NEDD4L: variants seen among roughly 807,000 people sequenced by gnomAD.
NEDD4L encodes the protein E3 ubiquitin-protein ligase NEDD4-like.
In NEDD4L, 54 loss-of-function variants were observed where a neutral mutation model predicts 148.9. The observed-to-expected ratio is 0.36, with a 90% CI of 0.29 to 0.45. The LOEUF is 0.45. Ranked by LOEUF, NEDD4L falls within the 20% of genes least tolerant of loss-of-function variation. NEDD4L has a pLI of 1.00. For missense variants in NEDD4L, 856 were observed against 1,233.8 expected, an observed-to-expected ratio of 0.69 and a Z score of 4.59; for synonymous variants, 433 against 440.7, an observed-to-expected ratio of 0.98 and a Z score of 0.22.
At chr18:58,357,831 T>C (rs995700087) in intron 19 of NEDD4L, among the ~76,000 whole-genome samples, 1 of 152,168 alleles carries the variant, frequency 6.6e-6, no homozygotes, top group Admixed American at 6.5e-5. Flanking sequence ...CGTAGCACAC[T>C]GTGTTCATAA....
intron 1 of NEDD4L, among the ~76,000 whole-genome samples, chr18:58,075,410 C>A (rs534557399): frequency 6.6e-6 from 1 of 152,262 alleles, no homozygotes; most frequent in South Asian, 2.1e-4. Context: ...CTCAGCCCCA[C>A]AAAGTACTGG....
At chr18:58,056,018 C>T (rs150837715) in intron 1 of NEDD4L, among the ~76,000 whole-genome samples, 59 of 152,292 alleles carry the variant, frequency 3.9e-4, no homozygotes, top group Non-Finnish European at 6.9e-4. Context: ...CACCTGTGAG[C>T]GGTCAGCTCT....
intron 1 of NEDD4L, among the ~76,000 whole-genome samples, chr18:58,103,127 C>T (rs1340831672): frequency 1.3e-5 from 2 of 151,600 alleles, no homozygotes; most frequent in Non-Finnish European, 2.9e-5. Context: ...TGACCTTTGT[C>T]TATTTGTCTA....
intron 1 of NEDD4L, among the ~76,000 whole-genome samples, chr18:58,129,743 T>G (rs1043367607): frequency 2.6e-4 from 40 of 152,386 alleles, no homozygotes; most frequent in African/African-American, 8.7e-4. Context: ...AGCAGAACTG[T>G]GGCGGTGTTG....
intron 2 of NEDD4L, among the ~76,000 whole-genome samples, chr18:58,181,084 A>G (rs2038815019): frequency 6.6e-6 from 1 of 152,274 alleles, no homozygotes; most frequent in South Asian, 2.1e-4. Flanking sequence ...ATTCTCGAAT[A>G]GTGACACTTA....
intron 5 of NEDD4L, among the ~76,000 whole-genome samples, chr18:58,276,222 G>C (rs555610013): frequency 1.5e-5 from 2 of 132,804 alleles, no homozygotes; most frequent in Non-Finnish European, 3.3e-5. Flanking sequence ...TGGGTGGGGA[G>C]GGGGGTGGTT....
intron 2 of NEDD4L, among the ~76,000 whole-genome samples, chr18:58,174,192 A>G (rs2037835005): frequency 6.6e-6 from 1 of 151,978 alleles, no homozygotes; most frequent in Admixed American, 6.6e-5. Flanking sequence ...GGCTGCAGTC[A>G]GGTGCTTCTC....
chr18:58,300,103 G>GCTACT (rs1411318357), intron 5 of NEDD4L, among the ~76,000 whole-genome samples: 1 of 152,198 alleles, frequency 6.6e-6, no homozygotes, highest in Non-Finnish European at 1.5e-5. Flanking sequence ...TACTCACAGT[G>GCTACT]TACCCTGGAC....
chr18:58,097,893 T>C (rs1450859023), intron 1 of NEDD4L, among the ~76,000 whole-genome samples: 1 of 152,112 alleles, frequency 6.6e-6, no homozygotes, highest in Admixed American at 6.6e-5. Flanking sequence ...TAGCTGGATG[T>C]GGTAGTGAAC....
chr18:58,124,882 G>T lies in NEDD4L; in HGVS notation c.49-40906G>T, dbSNP rs549487664. ...CATGAGGAAGGCTATTAAAACCTAT[G>T]TAATTAATTAATTAATGGATGGATG... On this transcript the variant is annotated intron_variant, in intron 1 of 30. Coordinates refer to ENST00000400345, the MANE Select transcript of NEDD4L (RefSeq NM_001144967.3). Among the ~76,000 whole-genome samples, 7 of 152,294 alleles carry T rather than the reference G, an allele frequency of 4.6e-5. No homozygotes were observed. The South Asian group carries it at 1.5e-3, about 32-fold the overall frequency.
At chr18:58,296,399 A>T (rs2055576014) in intron 5 of NEDD4L, among the ~76,000 whole-genome samples, 1 of 152,198 alleles carries the variant, frequency 6.6e-6, no homozygotes, top group Non-Finnish European at 1.5e-5. Flanking sequence ...AGTTCAACTT[A>T]AAACAGCAGA....
At chr18:58,169,557 A>AC (rs1275789617) in intron 2 of NEDD4L, among the ~76,000 whole-genome samples, 1 of 151,804 alleles carries the variant, frequency 6.6e-6, no homozygotes, top group East Asian at 1.9e-4. Context: ...GCTTAAAAAA[A>AC]ATGCTAAGTA....
rs996477604 is a variant in NEDD4L at position 58,385,712 on chromosome 18, A to C, written c.2487+126A>C. ...ACAGAGGCGAGGCTGGGGACCCTGCAGGAAGACCGGGATCGCACAGCTCAC... is the reference window on the plus strand; with the variant it reads ...ACAGAGGCGAGGCTGGGGACCCTGCCGGAAGACCGGGATCGCACAGCTCAC... On this transcript the variant is annotated intron_variant, in intron 26 of 30. Coordinates refer to ENST00000400345, the MANE Select transcript of NEDD4L (RefSeq NM_001144967.3). The C allele has an allele frequency of 9.2e-6, 7 of 764,024 alleles. No homozygotes were observed. In the Admixed American group the frequency reaches 1.4e-4, roughly 16 times the overall value. The allele number at this position is 764,024 out of a possible 1,614,324, so 47.3% of individuals were successfully genotyped here. A position where few individuals can be genotyped will look rare whatever the true frequency, so the allele number is the denominator to read the frequency against.
At chr18:58,361,428 G>C (rs1018348977) in intron 19 of NEDD4L, among the ~76,000 whole-genome samples, 1 of 152,206 alleles carries the variant, frequency 6.6e-6, no homozygotes, top group Non-Finnish European at 1.5e-5. Flanking sequence ...CTCATGTTGT[G>C]TAACACTTTC....
intron 2 of NEDD4L, among the ~76,000 whole-genome samples, chr18:58,232,718 G>A (rs1055541233): frequency 1.3e-5 from 2 of 152,188 alleles, no homozygotes; most frequent in Admixed American, 6.5e-5. Context: ...ATTTCAAGAA[G>A]TGCAGCACTC....
chr18:58,142,474 G>C (rs1359780499), intron 1 of NEDD4L, among the ~76,000 whole-genome samples: 1 of 152,150 alleles, frequency 6.6e-6, no homozygotes, highest in Admixed American at 6.5e-5. Flanking sequence ...GGTGTTGGGG[G>C]AACTGATATT....
At chr18:58,365,788 G>A (rs1478096832) in intron 20 of NEDD4L, among the ~76,000 whole-genome samples, 3 of 152,166 alleles carry the variant, frequency 2.0e-5, no homozygotes, top group South Asian at 2.1e-4. Context: ...CCTGAGCATC[G>A]CTAGTGGATG....
intron 5 of NEDD4L, among the ~76,000 whole-genome samples, chr18:58,259,825 C>T (rs944715643): frequency 6.6e-6 from 1 of 152,174 alleles, no homozygotes; most frequent in Non-Finnish European, 1.5e-5. Flanking sequence ...TCTGTGTCCT[C>T]TCAGTGGACA....
At chr18:58,116,623 G>C (rs2145750370) in intron 1 of NEDD4L, among the ~76,000 whole-genome samples, 1 of 152,362 alleles carries the variant, frequency 6.6e-6, no homozygotes, top group Non-Finnish European at 1.5e-5. Context: ...CAGTTCACCA[G>C]AGAAATAACA....
Sources: gnomAD v4.1 joint callset for allele counts (sites outside exome capture counted in the v4.1 genomes callset) on GRCh38, gnomAD v4.1.1 for gene constraint, MANE v1.5 for transcripts, NCBI Gene and HGNC (gene_info 2026-07-23, HGNC 2026-07-21) for gene names.